RAB27B: variants seen among roughly 807,000 people sequenced by gnomAD.
RAB27B encodes ras-related protein Rab-27B.
RAB27B carries 15 observed loss-of-function variants against 24.6 expected under a neutral mutation model. The observed-to-expected ratio is 0.61, with a 90% confidence interval of 0.41 to 0.94. The LOEUF is 0.94. Among genes scored for constraint, RAB27B ranks in the 40% least tolerant of loss-of-function variants. The pLI, the probability that RAB27B is intolerant of heterozygous loss-of-function variation, is 0.00. For synonymous variants in RAB27B, 105 were observed against 92.5 expected (o/e 1.14, Z -0.78); for missense variants, 261 against 266.8 (o/e 0.98, Z 0.15).
chr18:54,719,602 A>G (rs551452991), intron 2 of RAB27B, among the ~76,000 whole-genome samples: 1 of 152,210 alleles, frequency 6.6e-6, no homozygotes, highest in African/African-American at 2.4e-5. Context: ...TTGCTTCTGA[A>G]GGAAGTTAGG....
chr18:54,734,956 T>A (rs1213414429), intron 2 of RAB27B, among the ~76,000 whole-genome samples: 1 of 152,196 alleles, frequency 6.6e-6, no homozygotes, highest in African/African-American at 2.4e-5. Flanking sequence ...TAATTTTGTA[T>A]AACACATTAA....
chr18:54,838,492 T>C (rs1417266390), intron 1 of RAB27B, among the ~76,000 whole-genome samples: 1 of 152,162 alleles, frequency 6.6e-6, no homozygotes, highest in Non-Finnish European at 1.5e-5. Flanking sequence ...ATCACAAGTA[T>C]TTCTGACTAT....
chr18:54,774,464 A>G (rs1370614717), intron 2 of RAB27B, among the ~76,000 whole-genome samples: 2 of 152,222 alleles, frequency 1.3e-5, no homozygotes, highest in Admixed American at 1.3e-4. Context: ...TTCAGGGTAG[A>G]ACCAGAATCC....
intron 1 of RAB27B, among the ~76,000 whole-genome samples, chr18:54,871,119 G>T (rs143559314): frequency 2.6e-4 from 39 of 152,194 alleles, no homozygotes; most frequent in Middle Eastern, 3.4e-3. Context: ...TTTCATATGG[G>T]CACTCATCAA....
intron 1 of RAB27B, among the ~76,000 whole-genome samples, chr18:54,865,350 G>T (rs1298937069): frequency 2.0e-5 from 3 of 149,590 alleles, no homozygotes; most frequent in Non-Finnish European, 4.4e-5. Flanking sequence ...TATGTTAGTT[G>T]GTACCTAAGA....
intron 2 of RAB27B, among the ~76,000 whole-genome samples, chr18:54,774,969 A>G (rs1353238427): frequency 6.6e-6 from 1 of 152,190 alleles, no homozygotes; most frequent in African/African-American, 2.4e-5. Flanking sequence ...CCTAATTAAT[A>G]TCTGCTCAGT....
At position 54,747,554 on chromosome 18, in the gene RAB27B, T is replaced by C. The variant is rs539703211; in HGVS notation, c.-20+29413T>C. Among the ~76,000 whole-genome samples the C allele has an allele frequency of 8.5e-5, 13 of 152,190 alleles. No homozygotes were observed. The East Asian group carries it at 2.3e-3, about 27-fold the overall frequency. On this transcript the variant is annotated intron_variant, in intron 2 of 4. Coordinates refer to the RAB27B transcript ENST00000586570. ...ACAGTGGATAATTCAGTCTGAGGAG[T>C]GTGAGAAGACTTTTAAACAAAATCT...
At chr18:54,833,263 G>C (rs1253718593) in intron 1 of RAB27B, among the ~76,000 whole-genome samples, 1 of 93,974 alleles carries the variant, frequency 1.1e-5, no homozygotes, top group East Asian at 3.0e-4. Flanking sequence ...TGGAGTTTCT[G>C]TTGCCCAGGC....
intron 2 of RAB27B, among the ~76,000 whole-genome samples, chr18:54,785,886 C>T (rs892427236): frequency 6.6e-6 from 1 of 152,088 alleles, no homozygotes; most frequent in Non-Finnish European, 1.5e-5. Context: ...CATAAAGATT[C>T]TTCTTATCTT....
At chr18:54,883,003 G>T (rs149458004) in intron 3 of RAB27B, among the ~76,000 whole-genome samples, 1 of 152,228 alleles carries the variant, frequency 6.6e-6, no homozygotes, top group African/African-American at 2.4e-5. Flanking sequence ...TAGAGTAGTG[G>T]CAGAGTAGAT....
intron 2 of RAB27B, among the ~76,000 whole-genome samples, chr18:54,801,884 T>C (rs1909623832): frequency 6.6e-6 from 1 of 152,202 alleles, no homozygotes. Context: ...ATTAAAATTG[T>C]CAGTCCTATT....
At chr18:54,845,874 C>G (rs182570171) in intron 1 of RAB27B, among the ~76,000 whole-genome samples, 35 of 152,220 alleles carry the variant, frequency 2.3e-4, no homozygotes, top group Middle Eastern at 3.4e-3. Flanking sequence ...TTATTTGTGA[C>G]CCCAGAATCA....
In RAB27B at chr18:54,756,086, T is replaced by C. The variant is rs573400492; in HGVS notation, c.-20+37945T>C. On this transcript the variant is annotated intron_variant, in intron 2 of 4. Coordinates refer to the RAB27B transcript ENST00000586570. ...AGTGAAAACATCTATCACTGAATAA[T>C]AAAGAATCATAACTGAGTAGTATTA... 5.9e-5 allele frequency among the ~76,000 whole-genome samples: 9 copies of C among 152,324 alleles called. No individual in the cohort carries two copies. In the South Asian group the frequency reaches 6.2e-4, roughly 11 times the overall value.
chr18:54,857,348 A>G (rs76523999), intron 1 of RAB27B, among the ~76,000 whole-genome samples: 4,938 of 152,298 alleles, frequency 0.032, 267 homozygotes, highest in African/African-American at 0.11. Flanking sequence ...AAAGAGACCT[A>G]CGAATCATTT....
At chr18:54,856,085 G>A (rs569192449) in intron 1 of RAB27B, among the ~76,000 whole-genome samples, 7 of 152,206 alleles carry the variant, frequency 4.6e-5, no homozygotes, top group Non-Finnish European at 5.9e-5. Context: ...GAAGACAGAC[G>A]TCAGCTGGGG....
At chr18:54,763,336 T>C (rs1388927169) in intron 2 of RAB27B, among the ~76,000 whole-genome samples, 1 of 152,084 alleles carries the variant, frequency 6.6e-6, no homozygotes, top group Non-Finnish European at 1.5e-5. Context: ...TATTTATTTT[T>C]GAGAAGTCAC....
chr18:54,808,491 G>A (rs1178564120), intron 2 of RAB27B, among the ~76,000 whole-genome samples: 1 of 152,206 alleles, frequency 6.6e-6, no homozygotes, highest in Non-Finnish European at 1.5e-5. Context: ...TTATGTAGAA[G>A]TAGAGAACTA....
intron 2 of RAB27B, among the ~76,000 whole-genome samples, chr18:54,735,732 G>C (rs978045415): frequency 4.6e-5 from 7 of 152,048 alleles, no homozygotes; most frequent in Non-Finnish European, 7.4e-5. Flanking sequence ...ATGTTGGCCA[G>C]GCTGGTCTTG....
chr18:54,867,973 T>G (rs75477876), intron 1 of RAB27B, among the ~76,000 whole-genome samples: 4,733 of 152,254 alleles, frequency 0.031, 251 homozygotes, highest in African/African-American at 0.11. Flanking sequence ...TTTGGAGATT[T>G]GTCTCCATCC....
Sources: allele counts gnomAD v4.1 joint callset (sites outside exome capture counted in the v4.1 genomes callset), GRCh38; gene constraint gnomAD v4.1.1; transcripts MANE v1.5; gene names NCBI Gene and HGNC (gene_info 2026-07-23, HGNC 2026-07-21).